Variants in DPY19L3 observed in about 807,000 individuals in gnomAD.
The protein encoded by DPY19L3 is dpy-19 like C-mannosyltransferase 3, also known as protein C-mannosyl-transferase DPY19L3.
A neutral mutation model predicts 92.3 loss-of-function variants in DPY19L3; 51 were observed. The ratio of observed to expected loss-of-function variants is 0.55; its 90% CI spans 0.44 to 0.70. DPY19L3 has a LOEUF of 0.70. Among genes scored for constraint, DPY19L3 ranks in the 30% least tolerant of loss-of-function variants. DPY19L3 has a pLI of 0.00. For synonymous variants in DPY19L3, 309 were observed against 315.2 expected (o/e 0.98, Z 0.21); for missense variants, 706 against 855.9 (o/e 0.82, Z 2.18).
intron 8 of DPY19L3, among the ~76,000 whole-genome samples, chr19:32,451,294 T>C (rs375227187): frequency 6.6e-6 from 1 of 152,256 alleles, no homozygotes; most frequent in East Asian, 1.9e-4. Flanking sequence ...TACTATATAC[T>C]GCTGTGAAAT....
chr19:32,446,887 C>T (rs570618973), intron 8 of DPY19L3, among the ~76,000 whole-genome samples: 1 of 152,244 alleles, frequency 6.6e-6, no homozygotes, highest in South Asian at 2.1e-4. Context: ...TATAGAAACT[C>T]CACCCAGTAA....
chr19:32,468,822 AT>A lies in DPY19L3; in HGVS notation c.1697+17del. On this transcript the variant is annotated intron_variant, in intron 16 of 18. Coordinates refer to ENST00000392250, the MANE Select transcript of DPY19L3 (RefSeq NM_001172774.2). ...CTGATGAACTGGATTAAGTAAGAGG[AT>A]TTTTTTTAACTTTTAAAATTTTAAG... 1.2e-6 allele frequency: 2 copies of A among 1,608,778 alleles called. No homozygotes were observed. Among genetic ancestry groups the A allele is most frequent in the Admixed American group, 1.7e-5 (1 of 59,032 alleles).
intron 5 of DPY19L3, 77 bp downstream of exon 5, chr19:32,436,644 C>T (rs547592389): frequency 2.4e-6 from 3 of 1,232,196 alleles, no homozygotes; most frequent in Non-Finnish European, 3.2e-6. Context: ...GTTATCACAT[C>T]GTTCTTTCTG....
In DPY19L3 at chr19:32,458,625, A is replaced by C. The variant is rs369259718; in HGVS notation, c.1322+116A>C. On this transcript the variant is annotated intron_variant, in intron 12 of 18. Coordinates refer to ENST00000392250, the MANE Select transcript of DPY19L3 (RefSeq NM_001172774.2). ...ACACAAGTAATAGTATTCATCTTAA[A>C]GGGGGAACATACCTCGTTTAGAGTG... The C allele has an allele frequency of 1.4e-5, 15 of 1,085,838 alleles. No homozygotes were observed. In the African/African-American group the frequency reaches 1.4e-4, roughly 10 times the overall value. The allele number at this position is 1,085,838 out of a possible 1,614,324, so 67.3% of individuals were successfully genotyped here.
At chr19:32,431,125 A>G (rs1469134740) in intron 3 of DPY19L3, among the ~76,000 whole-genome samples, 2 of 152,156 alleles carry the variant, frequency 1.3e-5, no homozygotes, top group Non-Finnish European at 2.9e-5. Flanking sequence ...CACGCCTGTA[A>G]TCCCAGCACT....
intron 8 of DPY19L3, among the ~76,000 whole-genome samples, chr19:32,450,091 T>C (rs1969649615): frequency 6.6e-6 from 1 of 152,174 alleles, no homozygotes; most frequent in Admixed American, 6.5e-5. Context: ...GGGTAGATAT[T>C]TCTCCAGGTA....
At chr19:32,466,053 G>A (rs1183729310) in intron 15 of DPY19L3, among the ~76,000 whole-genome samples, 10 of 152,166 alleles carry the variant, frequency 6.6e-5, no homozygotes, top group South Asian at 2.1e-4. Context: ...AAGATGTACC[G>A]AACAATAACC....
chr19:32,425,235 A>C (rs1364377097), intron 3 of DPY19L3, among the ~76,000 whole-genome samples: 3 of 152,188 alleles, frequency 2.0e-5, no homozygotes, highest in Non-Finnish European at 4.4e-5. Context: ...TGTTCATCAA[A>C]ATTAGACATT....
intron 2 of DPY19L3, among the ~76,000 whole-genome samples, chr19:32,410,520 C>G (rs139293185): frequency 6.6e-6 from 1 of 152,060 alleles, no homozygotes; most frequent in Admixed American, 6.6e-5. Context: ...GGCTCATGCC[C>G]GTAATCCCAG....
At chr19:32,432,633 A>G (rs2287294) in intron 3 of DPY19L3, 83 bp from the exon 4 acceptor site, 146,747 of 1,136,042 alleles carry the variant, frequency 0.13, 14,087 homozygotes, top group East Asian at 0.48. Flanking sequence ...TTCAAGTTGC[A>G]GTTATGTATC....
chr19:32,408,433 A>G, intron 2 of DPY19L3, 77 bp downstream of exon 2: 1 of 1,086,300 alleles, frequency 9.2e-7, no homozygotes, highest in East Asian at 2.5e-5. Context: ...CCAATAGGAT[A>G]AAAATTTGGT....
chr19:32,414,590 T>C (rs1367135977), intron 3 of DPY19L3, among the ~76,000 whole-genome samples: 1 of 148,398 alleles, frequency 6.7e-6, no homozygotes, highest in Non-Finnish European at 1.5e-5. Context: ...TGAGATTTCA[T>C]CTCAAAAAAA....
chr19:32,424,443 G>T (rs933179348), intron 3 of DPY19L3, among the ~76,000 whole-genome samples: 12 of 151,806 alleles, frequency 7.9e-5, no homozygotes, highest in Non-Finnish European at 1.8e-4. Context: ...TGGGCAACAT[G>T]GTGAAAACTT....
intron 10 of DPY19L3, among the ~76,000 whole-genome samples, chr19:32,455,887 T>C (rs189417427): frequency 2.0e-5 from 3 of 152,194 alleles, no homozygotes; most frequent in Non-Finnish European, 2.9e-5. Context: ...ATCCCATTTG[T>C]TTTTATGCTA....
chr19:32,443,491 C>A (rs62104857), intron 8 of DPY19L3, among the ~76,000 whole-genome samples: 59,450 of 151,998 alleles, frequency 0.39, 13,677 homozygotes, highest in Non-Finnish European at 0.53. Context: ...TCACCCCTTT[C>A]ACCATGTGAG....
intron 12 of DPY19L3, 55 bp downstream of exon 12, chr19:32,458,564 G>A (rs1969942420): frequency 6.5e-7 from 1 of 1,546,478 alleles, no homozygotes; most frequent in African/African-American, 1.4e-5. Context: ...GTTCCATGTT[G>A]CAGAAAAATT....
Position 32,463,960 on chromosome 19 carries a change from C to T in DPY19L3, c.1537C>T (p.His513Tyr). The T allele has an allele frequency of 1.9e-6, 3 of 1,612,698 alleles. No individual in the cohort carries two copies. The highest frequency in any genetic ancestry group is 2.5e-6 in the Non-Finnish European group (3 of 1,178,974). ...EIWELLLKSV[H>Y]LYNPKRICIM... is the part of the protein sequence containing the mutation. Reference sequence around the variant, plus strand: ...ATGGGAGTTACTTCTGAAGTCAGTCCATCTTTATAACCCAAAGAGGGTCAG... The same window carrying T: ...ATGGGAGTTACTTCTGAAGTCAGTCTATCTTTATAACCCAAAGAGGGTCAG... The change falls in exon 14 of 19, where the codon CAT becomes TAT. Residue 513 changes from histidine (H) to tyrosine (Y), a missense_variant. Transcript: ENST00000392250.
At position 32,480,338 on chromosome 19, in the gene DPY19L3, T is replaced by A. The variant is rs1408026961; in HGVS notation, c.1831-61T>A. Reference sequence around the variant, plus strand: ...CAGCCCTGTGGAAGGTTACATCACATAGTTAACTCCCTGGCAGTCAAGTAG... The same window carrying A: ...CAGCCCTGTGGAAGGTTACATCACAAAGTTAACTCCCTGGCAGTCAAGTAG... On this transcript the variant is annotated intron_variant, in intron 17 of 18. Transcript: ENST00000392250. The A allele has an allele frequency of 6.5e-6, 10 of 1,549,454 alleles. No individual in the cohort carries two copies. In the East Asian group the frequency reaches 1.8e-4, roughly 28 times the overall value.
At chr19:32,439,548 T>C (rs1170510767) in intron 7 of DPY19L3, among the ~76,000 whole-genome samples, 1 of 152,224 alleles carries the variant, frequency 6.6e-6, no homozygotes, top group Admixed American at 6.5e-5. Context: ...TGGTGCATTA[T>C]CGCCTCCATA....
Sources: gnomAD v4.1 joint callset for allele counts (sites outside exome capture counted in the v4.1 genomes callset) on GRCh38, gnomAD v4.1.1 for gene constraint, MANE v1.5 for transcripts, NCBI Gene and HGNC (gene_info 2026-07-23, HGNC 2026-07-21) for gene names.